DLG2: variants seen among roughly 807,000 people sequenced by gnomAD.
DLG2 encodes disks large homolog 2.
DLG2 carries 45 observed loss-of-function variants against 132.5 expected under a neutral mutation model. The observed-to-expected ratio is 0.34, with a 90% CI of 0.27 to 0.44. The LOEUF (loss-of-function observed/expected upper bound fraction) is 0.44. Among genes scored for constraint, DLG2 ranks in the 20% least tolerant of loss-of-function variants. DLG2 has a pLI of 1.00. For synonymous variants in DLG2, 424 were observed against 419.6 expected (o/e 1.01, Z -0.13); for missense variants, 1,045 against 1,196.9 (o/e 0.87, Z 1.87).
chr11:84,897,483 G>C (rs1473134681), intron 6 of DLG2, among the ~76,000 whole-genome samples: 1 of 151,836 alleles, frequency 6.6e-6, no homozygotes, highest in Non-Finnish European at 1.5e-5. Context: ...ATTTCCTAGA[G>C]ATTAAAATAA....
intron 3 of DLG2, among the ~76,000 whole-genome samples, chr11:85,477,117 C>T (rs574542133): frequency 1.3e-5 from 2 of 152,028 alleles, no homozygotes; most frequent in Non-Finnish European, 2.9e-5. Flanking sequence ...CATATGGGAC[C>T]ATAATCATAC....
chr11:84,326,140 G>C lies in DLG2; in HGVS notation c.520-74849C>G, dbSNP rs149860295. ...ATTTGAGCCTTCTCTTTTTTTATTG[G>C]TTAATCTAGCTAAAGCTTTACCAAT... is the stretch of plus-strand genomic sequence containing the variant. On this transcript the variant is annotated intron_variant, in intron 7 of 27. Transcript: ENST00000376104. Among the ~76,000 whole-genome samples the C allele has an allele frequency of 2.4e-3, 362 of 151,218 alleles. 1 individual carries two copies. The highest frequency in any genetic ancestry group is 8.5e-3 in the African/African-American group (351 of 41,282).
At chr11:83,910,484 C>A (rs75275862) in intron 15 of DLG2, among the ~76,000 whole-genome samples, 3,355 of 152,172 alleles carry the variant, frequency 0.022, 130 homozygotes, top group African/African-American at 0.077. Flanking sequence ...TTTGTTATTT[C>A]AATTTAATGT....
intron 3 of DLG2, among the ~76,000 whole-genome samples, chr11:85,335,766 C>T (rs907800638): frequency 2.7e-5 from 4 of 150,302 alleles, no homozygotes; most frequent in Admixed American, 6.6e-5. Context: ...GAGATGGGGG[C>T]GGAGGGCATC....
At chr11:84,022,732 C>CT (rs1593282886) in intron 11 of DLG2, among the ~76,000 whole-genome samples, 1 of 151,970 alleles carries the variant, frequency 6.6e-6, no homozygotes, top group South Asian at 2.1e-4. Flanking sequence ...ACATCAGAAA[C>CT]TTTTTTTGGG....
chr11:84,979,837 A>G (rs188598268), intron 6 of DLG2, among the ~76,000 whole-genome samples: 2 of 152,124 alleles, frequency 1.3e-5, no homozygotes, highest in Non-Finnish European at 2.9e-5. Flanking sequence ...TCAAAAAAAA[A>G]ACAAAAAAAC....
intron 17 of DLG2, among the ~76,000 whole-genome samples, chr11:83,787,456 G>A (rs997681523): frequency 2.6e-5 from 4 of 150,986 alleles, no homozygotes; most frequent in Non-Finnish European, 5.9e-5. Flanking sequence ...CAAGTAGCTG[G>A]GATTACAGGT....
At chr11:85,285,741 T>C (rs2078512169) in intron 3 of DLG2, among the ~76,000 whole-genome samples, 2 of 152,032 alleles carry the variant, frequency 1.3e-5, no homozygotes, top group South Asian at 4.1e-4. Flanking sequence ...ACATACTGTA[T>C]GATTCCACCT....
chr11:84,933,383 G>GT (rs1374168684), intron 6 of DLG2, among the ~76,000 whole-genome samples: 18 of 152,114 alleles, frequency 1.2e-4, no homozygotes, highest in African/African-American at 3.6e-4. Context: ...TTTTAAAATA[G>GT]TTTTTTCTAG....
intron 10 of DLG2, among the ~76,000 whole-genome samples, chr11:84,089,103 T>C (rs941056504): frequency 6.6e-6 from 1 of 152,154 alleles, no homozygotes; most frequent in Non-Finnish European, 1.5e-5. Context: ...CCCAAACTCA[T>C]GACAGTTCAG....
At chr11:84,715,178 C>T (rs975539830) in intron 6 of DLG2, among the ~76,000 whole-genome samples, 1 of 152,106 alleles carries the variant, frequency 6.6e-6, no homozygotes, top group African/African-American at 2.4e-5. Flanking sequence ...CTACGGGCTT[C>T]ACAGTGGTTC....
chr11:84,863,189 A>G (rs2084021338), intron 6 of DLG2, among the ~76,000 whole-genome samples: 1 of 152,072 alleles, frequency 6.6e-6, no homozygotes, highest in Admixed American at 6.6e-5. Flanking sequence ...GCAAAAGTTC[A>G]CAATTCCAGT....
intron 3 of DLG2, among the ~76,000 whole-genome samples, chr11:85,506,578 G>C (rs1236059371): frequency 1.3e-5 from 2 of 152,232 alleles, no homozygotes; most frequent in Non-Finnish European, 2.9e-5. Context: ...TGTGGTCTGA[G>C]AGACAGTTTG....
intron 8 of DLG2, among the ~76,000 whole-genome samples, chr11:84,206,514 C>T (rs1306333108): frequency 6.6e-6 from 1 of 151,950 alleles, no homozygotes; most frequent in Non-Finnish European, 1.5e-5. Flanking sequence ...CACACCAAAT[C>T]TAATAATATA....
chr11:84,762,945 T>C (rs971640690), intron 6 of DLG2, among the ~76,000 whole-genome samples: 3 of 152,160 alleles, frequency 2.0e-5, no homozygotes, highest in African/African-American at 7.2e-5. Context: ...AAGAAAATGT[T>C]CAACTTAATA....
intron 15 of DLG2, among the ~76,000 whole-genome samples, chr11:83,911,365 C>T (rs965991634): frequency 6.6e-6 from 1 of 152,066 alleles, no homozygotes; most frequent in Non-Finnish European, 1.5e-5. Context: ...TTTTTTCCTT[C>T]AGGGTACAGT....
intron 6 of DLG2, among the ~76,000 whole-genome samples, chr11:84,725,021 G>A (rs1223919331): frequency 6.6e-6 from 1 of 152,166 alleles, no homozygotes; most frequent in Non-Finnish European, 1.5e-5. Flanking sequence ...GGAATGTCAT[G>A]TGGTCAACCT....
At chr11:83,936,810 A>G (rs1452068678) in intron 14 of DLG2, among the ~76,000 whole-genome samples, 3 of 152,184 alleles carry the variant, frequency 2.0e-5, no homozygotes, top group Non-Finnish European at 2.9e-5. Flanking sequence ...GACCTTGACA[A>G]TGGTGATTGT....
chr11:84,029,329 GT>G (rs1175041891), intron 11 of DLG2, among the ~76,000 whole-genome samples: 1 of 152,002 alleles, frequency 6.6e-6, no homozygotes, highest in Non-Finnish European at 1.5e-5. Flanking sequence ...TAAGATCAAT[GT>G]TCAATTACCA....
Sources: allele counts gnomAD v4.1 joint callset (sites outside exome capture counted in the v4.1 genomes callset), GRCh38; gene constraint gnomAD v4.1.1; transcripts MANE v1.5; gene names NCBI Gene and HGNC (gene_info 2026-07-23, HGNC 2026-07-21).